Variants in H6PD observed in about 807,000 individuals in gnomAD.
H6PD encodes the protein hexose-6-phosphate dehydrogenase/glucose 1-dehydrogenase.
Under a neutral mutation model 61.2 loss-of-function variants are expected in H6PD, and 48 were observed. That is an observed-to-expected ratio of 0.78 (90% CI 0.62 to 1.00). H6PD has a LOEUF of 1.00. Among genes scored for constraint, H6PD ranks in the 50% least tolerant of loss-of-function variants. H6PD has a pLI of 0.00. For missense variants in H6PD, 1,093 were observed against 1,065.0 expected, an observed-to-expected ratio of 1.03 and a Z score of -0.37; for synonymous variants, 480 against 457.9, an observed-to-expected ratio of 1.05 and a Z score of -0.62.
At chr1:9,241,465 G>A (rs1640995489) in intron 1 of H6PD, among the ~76,000 whole-genome samples, 1 of 152,264 alleles carries the variant, frequency 6.6e-6, no homozygotes, top group East Asian at 1.9e-4. Flanking sequence ...GTGCAGTGGT[G>A]CGATCATGGC....
At position 9,255,639 on chromosome 1, in the gene H6PD, A is replaced by C. The variant is rs527237301; in HGVS notation, c.746-6420A>C. On this transcript the variant is annotated intron_variant, in intron 3 of 4. Coordinates refer to ENST00000377403, the MANE Select transcript of H6PD (RefSeq NM_004285.4). Reference sequence around the variant, plus strand: ...TTTTCCTGTTCTATTATTGCAGGGGAAGGGAAGAATTGTCTTTTTACATTC... The same window carrying C: ...TTTTCCTGTTCTATTATTGCAGGGGCAGGGAAGAATTGTCTTTTTACATTC... 2.0e-5 allele frequency among the ~76,000 whole-genome samples: 3 copies of C among 152,238 alleles called. No individual in the cohort carries two copies. In the South Asian group the frequency reaches 6.2e-4, roughly 32 times the overall value.
rs1638698640 is a variant in H6PD at position 9,270,033 on chromosome 1, GAT to G, written c.*5165_*5166del. Reference sequence around the variant, plus strand: ...CAAGAGTCCAGCAAGCCAGGGGGAAGATGATCCCTTTGCCGAAGTGTACCCTC... The same window carrying G: ...CAAGAGTCCAGCAAGCCAGGGGGAAGGATCCCTTTGCCGAAGTGTACCCTC... On this transcript the variant is annotated 3_prime_UTR_variant, in exon 5 of 5. Transcript: ENST00000377403. 2 of 152,786 alleles carry G rather than the reference GAT, an allele frequency of 1.3e-5. No homozygotes were observed. The highest frequency in any genetic ancestry group is 4.1e-4 in the South Asian group (2 of 4,820). 9.5% of individuals were successfully genotyped at this position (152,786 alleles called of 1,614,324 possible). A position where few individuals can be genotyped will look rare whatever the true frequency, so the allele number is the denominator to read the frequency against.
At chr1:9,262,548 G>A (rs559453541) in intron 4 of H6PD, among the ~76,000 whole-genome samples, 76 of 152,352 alleles carry the variant, frequency 5.0e-4, no homozygotes, top group Middle Eastern at 6.8e-3. Context: ...CATCCCAATG[G>A]CCATGGCCTC....
At chr1:9,262,537 A>G (rs1290184617) in intron 4 of H6PD, among the ~76,000 whole-genome samples, 1 of 152,216 alleles carries the variant, frequency 6.6e-6, no homozygotes, top group Non-Finnish European at 1.5e-5. Flanking sequence ...AGGGCGAAGG[A>G]CATCCCAATG....
In H6PD at chr1:9,270,588, T is replaced by C. The variant is rs1457751131; in HGVS notation, c.*5719T>C. 3 of 152,214 alleles carry C rather than the reference T, an allele frequency of 2.0e-5. No individual in the cohort carries two copies. Among genetic ancestry groups the C allele is most frequent in the African/African-American group, 7.2e-5 (3 of 41,428 alleles). 9.4% of individuals were successfully genotyped at this position (152,214 alleles called of 1,614,324 possible). On this transcript the variant is annotated 3_prime_UTR_variant, in exon 5 of 5. Coordinates refer to ENST00000377403, the MANE Select transcript of H6PD (RefSeq NM_004285.4). ...CCCCAGGGGCAGAGCCCCTGCTGGA[T>C]CCTGGGAGCTCATCTTTACCTGTGC...
intron 3 of H6PD, among the ~76,000 whole-genome samples, chr1:9,260,013 G>A (rs1211276017): frequency 1.3e-5 from 2 of 152,022 alleles, no homozygotes; most frequent in Admixed American, 6.5e-5. Context: ...CTGTTGTTAT[G>A]TTGTTATGCT....
chr1:9,257,877 A>G (rs3753164), intron 3 of H6PD, among the ~76,000 whole-genome samples: 62,459 of 152,162 alleles, frequency 0.41, 13,811 homozygotes, highest in East Asian at 0.56. Flanking sequence ...AGACTTGGGC[A>G]TTGGAACTCT....
At position 9,267,642 on chromosome 1, in the gene H6PD, CT is replaced by C. The variant is rs1184410514; in HGVS notation, c.*2776del. The C allele has an allele frequency of 6.6e-6, 1 of 152,314 alleles. No homozygotes were observed. The highest frequency in any genetic ancestry group is 1.5e-5 in the Non-Finnish European group (1 of 68,128). 9.4% of individuals were successfully genotyped at this position (152,314 alleles called of 1,614,324 possible). ...TGAGGGTCGAAATGCCAAAGGTCTA[CT>C]TTCCAGAATCAAGTGCCTTCTGCAA... On this transcript the variant is annotated 3_prime_UTR_variant, in exon 5 of 5. Transcript: ENST00000377403.
At chr1:9,242,795 T>C (rs955432371) in intron 1 of H6PD, 1 of 985,310 alleles carries the variant, frequency 1.0e-6, no homozygotes, top group African/African-American at 1.7e-5. Flanking sequence ...AGCTGGCGGC[T>C]CCTCCTTCTC....
intron 3 of H6PD, among the ~76,000 whole-genome samples, chr1:9,248,106 C>T (rs955136845): frequency 5.9e-5 from 9 of 152,342 alleles, no homozygotes; most frequent in African/African-American, 2.2e-4. Flanking sequence ...GTGCTGCCAG[C>T]GCTGCGTCAG....
At chr1:9,257,825 C>T (rs74606595) in intron 3 of H6PD, among the ~76,000 whole-genome samples, 1,809 of 152,302 alleles carry the variant, frequency 0.012, 37 homozygotes, top group African/African-American at 0.04. Context: ...GATGGCTCCT[C>T]GTGTCTGAGG....
In H6PD at chr1:9,263,874, C is replaced by G; in HGVS notation, c.1381C>G (p.Leu461Val). 6.2e-7 allele frequency: 1 copy of G among 1,614,116 alleles called. No homozygotes were observed. The highest frequency in any genetic ancestry group is 8.5e-7 in the Non-Finnish European group (1 of 1,180,022). ...PVRERDAHSV[L>V]LSHIFHGRKN... ...GCGGGAGCGGGACGCCCACTCCGTC[C>G]TCTTATCCCATATCTTCCATGGCCG... Residue 461 changes from leucine to valine, a missense_variant, in exon 5 of 5, where the codon CTC becomes GTC. By Grantham distance (32) the Leu-to-Val change is conservative (BLOSUM62 1). Coordinates refer to ENST00000377403, the MANE Select transcript of H6PD (RefSeq NM_004285.4).
chr1:9,256,987 G>A (rs946366574), intron 3 of H6PD, among the ~76,000 whole-genome samples: 40 of 152,068 alleles, frequency 2.6e-4, no homozygotes, highest in African/African-American at 9.4e-4. Context: ...CCAGCATTTG[G>A]GAGAATCGCC....
chr1:9,257,038 C>T (rs901328114), intron 3 of H6PD, among the ~76,000 whole-genome samples: 1 of 152,166 alleles, frequency 6.6e-6, no homozygotes, highest in Non-Finnish European at 1.5e-5. Flanking sequence ...ACAGCTGTTT[C>T]TCATCTGTAA....
intron 3 of H6PD, among the ~76,000 whole-genome samples, chr1:9,253,201 CA>C (rs1641421393): frequency 6.6e-6 from 1 of 152,164 alleles, no homozygotes; most frequent in South Asian, 2.1e-4. Context: ...CATAAATCTA[CA>C]GGCCGTGTTA....
chr1:9,262,918 G>C (rs760129162), intron 4 of H6PD, among the ~76,000 whole-genome samples: 17 of 152,176 alleles, frequency 1.1e-4, no homozygotes, highest in Admixed American at 2.0e-4. Flanking sequence ...GTGAGGAAAC[G>C]TAAGGCTCGG....
chr1:9,252,276 CTA>C (rs1408515928), intron 3 of H6PD, among the ~76,000 whole-genome samples: 1 of 152,176 alleles, frequency 6.6e-6, no homozygotes, highest in African/African-American at 2.4e-5. Context: ...ACTTAAATCT[CTA>C]TGTATTAGCA....
At chr1:9,246,839 C>CTACT in intron 2 of H6PD, 127 bp from the exon 3 acceptor site, 1 of 776,772 alleles carries the variant, frequency 1.3e-6, no homozygotes, top group East Asian at 2.5e-5. Context: ...AAGTCCAGAA[C>CTACT]TACTGCTCAG....
Position 9,269,136 on chromosome 1 carries a change from TGACCG to T in H6PD, c.*4271_*4275del, listed in dbSNP as rs1638669123. 1 of 152,020 alleles carries T rather than the reference TGACCG, an allele frequency of 6.6e-6. No individual in the cohort carries two copies. The highest frequency in any genetic ancestry group is 2.1e-4 in the South Asian group (1 of 4,820). 9.4% of individuals were successfully genotyped at this position (152,020 alleles called of 1,614,324 possible). On this transcript the variant is annotated 3_prime_UTR_variant, in exon 5 of 5. Transcript: ENST00000377403. This position sits in a 1 kb window ranked among gnomAD's most constrained non-coding sequence, Gnocchi z 4.3. ...GGTGACGAGGGTGAGGTGGCCACAGTGACCGGACGACAAATGAGACTCTGCAAATG... is the reference window on the plus strand; with the variant it reads ...GGTGACGAGGGTGAGGTGGCCACAGTGACGACAAATGAGACTCTGCAAATG...
Sources: allele counts gnomAD v4.1 joint callset (sites outside exome capture counted in the v4.1 genomes callset), GRCh38; gene constraint gnomAD v4.1.1; non-coding constraint Gnocchi (gnomAD v3.1); transcripts MANE v1.5; gene names NCBI Gene and HGNC (gene_info 2026-07-23, HGNC 2026-07-21).